ADGRA1: variants seen among roughly 807,000 people sequenced by gnomAD.
The protein encoded by ADGRA1 is G-protein coupled receptor 123.
A neutral mutation model predicts 21.3 loss-of-function variants in ADGRA1; 12 were observed. The observed-to-expected ratio is 0.56, with a 90% CI of 0.36 to 0.91. ADGRA1 has a LOEUF of 0.91. Among genes scored for constraint, ADGRA1 ranks in the 40% least tolerant of loss-of-function variants. The pLI is 0.01. For synonymous variants in ADGRA1, 385 were observed against 368.8 expected (o/e 1.04, Z -0.50); for missense variants, 790 against 805.6 (o/e 0.98, Z 0.23).
rs11596334 is a variant in ADGRA1, at chr10:133,111,954, T to C, written c.401+9112T>C. On this transcript the variant is annotated intron_variant, in intron 5 of 6. Transcript: ENST00000392607. ...CCGTGAGCACCTCCCTCCTAATCCCTCCAGACCACCTGCCCACCACAGGCA... is the reference window on the plus strand; with the variant it reads ...CCGTGAGCACCTCCCTCCTAATCCCCCCAGACCACCTGCCCACCACAGGCA... 2.6e-3 allele frequency among the ~76,000 whole-genome samples: 50 copies of C among 19,206 alleles called. 10 individuals carry two copies. The highest frequency in any genetic ancestry group is 0.036 in the Middle Eastern group (1 of 28). The allele number at this position is 19,206 out of a possible 152,430, so 12.6% of individuals were successfully genotyped here.
At chr10:133,095,214 G>A (rs747523803) in intron 2 of ADGRA1, among the ~76,000 whole-genome samples, 3 of 152,158 alleles carry the variant, frequency 2.0e-5, no homozygotes, top group East Asian at 1.9e-4. Context: ...GGCAACTGAC[G>A]CTTCGGGCTC....
chr10:133,117,038 T>C (rs1388515132), intron 5 of ADGRA1, among the ~76,000 whole-genome samples: 1 of 151,988 alleles, frequency 6.6e-6, no homozygotes, highest in African/African-American at 2.4e-5. Flanking sequence ...CTCTCTGTAG[T>C]GGGGTCCAGG....
chr10:133,088,564 G>A (rs112177127), intron 1 of ADGRA1, 144 bp from the exon 2 acceptor site: 69 of 371,094 alleles, frequency 1.9e-4, no homozygotes, highest in African/African-American at 1.1e-3. Context: ...CACCGCCTCC[G>A]CCAGCCCCAG....
rs151043978 is a variant in ADGRA1 at position 133,102,715 on chromosome 10, T to A, written c.274T>A (p.Tyr92Asn). The A allele has an allele frequency of 6.2e-7, 1 of 1,606,426 alleles. No individual in the cohort carries two copies. The highest frequency in any genetic ancestry group is 1.3e-5 in the African/African-American group (1 of 74,782). Residue 92 changes from tyrosine (Y) to asparagine (N), a missense_variant, in exon 5 of 7, where the codon TAT becomes AAT. Physicochemically the swap from Tyr to Asn is moderately radical, Grantham distance 143. This residue lies in a region of ADGRA1 where 382 missense variants were observed against 415.6 expected (regional missense o/e 0.92). Coordinates refer to ENST00000392607, the MANE Select transcript of ADGRA1 (RefSeq NM_001083909.3). ...LCQAVGIVLH[Y>N]STLSTMLWIG... ...CCCACAGGTGGGCATCGTGCTGCAC[T>A]ATTCTACACTGTCCACCATGCTGTG...
At chr10:133,109,317 G>A (rs925785194) in intron 5 of ADGRA1, among the ~76,000 whole-genome samples, 1 of 151,802 alleles carries the variant, frequency 6.6e-6, no homozygotes, top group Non-Finnish European at 1.5e-5. Flanking sequence ...CTGCTCTGTG[G>A]ACTGCCCTGA....
intron 5 of ADGRA1, among the ~76,000 whole-genome samples, chr10:133,120,895 T>G (rs1012451922): frequency 1.3e-5 from 2 of 152,264 alleles, no homozygotes; most frequent in East Asian, 3.8e-4. Context: ...AGCGTAATGA[T>G]TTCTAGTTTT....
intron 6 of ADGRA1, among the ~76,000 whole-genome samples, chr10:133,127,881 G>GCCCCGCCCACCCAGCTCCACCTCCGCCTT (rs1852410672): frequency 1.1e-5 from 1 of 90,788 alleles, no homozygotes; most frequent in Non-Finnish European, 2.1e-5. Flanking sequence ...ACCTCCGCCT[G>GCCCCGCCCACCCAGCTCCACCTCCGCCTT]GCCCCGCCCA....
chr10:133,088,824 C>A lies in ADGRA1; in HGVS notation c.-86C>A. ...TTTGACCTTCCAGAGGCCATGGAGG[C>A]TGGCGGGGAGCAGGGCGCCACCTGA... On this transcript the variant is annotated 5_prime_UTR_variant, in exon 2 of 7. It adds an upstream start codon to the 5' untranslated region. Transcript: ENST00000392607. 8.1e-7 allele frequency: 1 copy of A among 1,234,976 alleles called. No individual in the cohort carries two copies. Among genetic ancestry groups the A allele is most frequent in the South Asian group, 4.1e-5 (1 of 24,378 alleles). The allele number at this position is 1,234,976 out of a possible 1,614,324, so 76.5% of individuals were successfully genotyped here. A position where few individuals can be genotyped will look rare whatever the true frequency, so the allele number is the denominator to read the frequency against.
intron 3 of ADGRA1, 62 bp downstream of exon 3, chr10:133,097,163 G>T (rs1851703848): frequency 5.0e-6 from 8 of 1,585,690 alleles, no homozygotes; most frequent in South Asian, 2.2e-5. Context: ...ACCTTCAAAG[G>T]CAAGTCCCTG....
chr10:133,129,300 C>T lies in ADGRA1; in HGVS notation c.1472C>T (p.Pro491Leu), dbSNP rs1206509999. ...VTQPEGSDGS[P>L]ALYSCPTQPG... ...CAGCCCGAGGGCAGTGATGGGAGCC[C>T]TGCCCTCTACAGCTGCCCCACGCAG... The change falls in exon 7 of 7, where the codon CCT (proline) becomes CTT (leucine). Residue 491 changes from proline to leucine, a missense_variant. By Grantham distance (98) the Pro-to-Leu change is moderately conservative (BLOSUM62 -3). Transcript: ENST00000392607. 2.1e-5 allele frequency: 33 copies of T among 1,553,312 alleles called. No homozygotes were observed. Among genetic ancestry groups the T allele is most frequent in the Non-Finnish European group, 2.9e-5 (33 of 1,149,334 alleles).
chr10:133,107,882 A>G (rs905659828), intron 5 of ADGRA1, among the ~76,000 whole-genome samples: 29 of 152,208 alleles, frequency 1.9e-4, no homozygotes, highest in African/African-American at 7.0e-4. Context: ...CACTTGATCA[A>G]TGCAGTGTGG....
chr10:133,122,744 G>A (rs924920443), intron 5 of ADGRA1, among the ~76,000 whole-genome samples: 2 of 151,970 alleles, frequency 1.3e-5, no homozygotes, highest in Admixed American at 1.3e-4. Context: ...CCCACCCCTG[G>A]CCGTGCCTCC....
chr10:133,131,305 C>T lies in ADGRA1; in HGVS notation c.*1794C>T, dbSNP rs1388870113. On this transcript the variant is annotated 3_prime_UTR_variant, in exon 7 of 7. Transcript: ENST00000392607. The stretch of plus-strand genomic sequence containing the variant: ...GGGCCGTCGGAGGACCACCAGGTGG[C>T]TCTGCCTCTGCCTCACCTTCTCACC... 2 of 152,348 alleles carry T rather than the reference C, an allele frequency of 1.3e-5. No homozygotes were observed. Among genetic ancestry groups the T allele is most frequent in the Admixed American group, 6.5e-5 (1 of 15,288 alleles). 9.4% of individuals were successfully genotyped at this position (152,348 alleles called of 1,614,324 possible).
At chr10:133,088,479 G>C (rs1223710003) in intron 1 of ADGRA1, 1 of 172,378 alleles carries the variant, frequency 5.8e-6, no homozygotes, top group African/African-American at 2.4e-5. Context: ...GGCGCAGATT[G>C]ATTTTTAAAT....
At position 133,121,509 on chromosome 10, in the gene ADGRA1, A is replaced by C. The variant is rs533968195; in HGVS notation, c.402-5724A>C. ...GGTGTGTGCCAGTGTGCGTGTGTGC[A>C]AGTGTGAGTGCCTGTGCATGTCCAG... On this transcript the variant is annotated intron_variant, in intron 5 of 6. Coordinates refer to ENST00000392607, the MANE Select transcript of ADGRA1 (RefSeq NM_001083909.3). 1.8e-3 allele frequency among the ~76,000 whole-genome samples: 241 copies of C among 136,860 alleles called. 4 individuals are homozygous for C. The highest frequency in any genetic ancestry group is 5.7e-3 in the Admixed American group (77 of 13,514). 89.8% of individuals were successfully genotyped at this position (136,860 alleles called of 152,430 possible).
At chr10:133,093,371 C>G in intron 2 of ADGRA1, 2 of 1,267,202 alleles carry the variant, frequency 1.6e-6, no homozygotes, top group Non-Finnish European at 2.1e-6. Flanking sequence ...CAGAACACAC[C>G]AAAGAGGAGA....
intron 4 of ADGRA1, among the ~76,000 whole-genome samples, chr10:133,100,439 G>A (rs1370391394): frequency 6.6e-6 from 1 of 152,234 alleles, no homozygotes; most frequent in Non-Finnish European, 1.5e-5. Flanking sequence ...CCCCCCGAGG[G>A]CCTTCAGCAA....
rs1040427282 is a variant in ADGRA1 at position 133,109,166 on chromosome 10, A to C, written c.401+6324A>C. Reference sequence around the variant, plus strand: ...TCAGCAGCAGCACTGCTCTCCCAGCATTCGTGTCTGGGTGCTAGACATTTT... The same window carrying C: ...TCAGCAGCAGCACTGCTCTCCCAGCCTTCGTGTCTGGGTGCTAGACATTTT... On this transcript the variant is annotated intron_variant, in intron 5 of 6. Transcript: ENST00000392607. Among the ~76,000 whole-genome samples, 11 of 148,474 alleles carry C rather than the reference A, an allele frequency of 7.4e-5. 1 individual carries two copies. Among genetic ancestry groups the C allele is most frequent in the Non-Finnish European group, 1.5e-4 (10 of 67,584 alleles).
intron 5 of ADGRA1, among the ~76,000 whole-genome samples, chr10:133,105,911 G>A (rs1409157523): frequency 6.6e-6 from 1 of 152,176 alleles, no homozygotes; most frequent in African/African-American, 2.4e-5. Flanking sequence ...GCAGGAGTGT[G>A]GCCCTTGTTA....
Sources: allele counts gnomAD v4.1 joint callset (sites outside exome capture counted in the v4.1 genomes callset), GRCh38; gene constraint gnomAD v4.1.1; regional missense constraint gnomAD v4.1.1; transcripts MANE v1.5; gene names NCBI Gene and HGNC (gene_info 2026-07-23, HGNC 2026-07-21).